Variants in CSRNP3 observed in about 807,000 individuals in gnomAD.
CSRNP3 encodes the protein cysteine/serine-rich nuclear protein 3.
In CSRNP3, 12 loss-of-function variants were observed where a neutral mutation model predicts 48.0. That is an observed-to-expected ratio of 0.25 (90% confidence interval 0.16 to 0.41). The LOEUF (loss-of-function observed/expected upper bound fraction) is 0.41, where lower values mean the gene tolerates loss of function less well. Among genes scored for constraint, CSRNP3 ranks in the 10% least tolerant of loss-of-function variants. CSRNP3 has a pLI of 1.00. For missense variants in CSRNP3, 580 were observed against 724.4 expected (o/e 0.80, Z 2.29); for synonymous variants, 263 against 269.7 (o/e 0.98, Z 0.24).
intron 4 of CSRNP3, among the ~76,000 whole-genome samples, chr2:165,641,329 T>G (rs1686718358): frequency 6.6e-6 from 1 of 152,194 alleles, no homozygotes. Flanking sequence ...TGTCACCTCC[T>G]CAAGTCTTTC....
intron 3 of CSRNP3, among the ~76,000 whole-genome samples, chr2:165,547,728 TTC>T (rs553935391): frequency 4.5e-4 from 69 of 152,204 alleles, no homozygotes; most frequent in African/African-American, 1.6e-3. Flanking sequence ...TGGAAATAAT[TTC>T]TTTTTGCAGG....
At chr2:165,671,204 G>T (rs1687322501) in intron 5 of CSRNP3, among the ~76,000 whole-genome samples, 1 of 152,184 alleles carries the variant, frequency 6.6e-6, no homozygotes, top group African/African-American at 2.4e-5. Flanking sequence ...ATGAAATAAG[G>T]ATGTTGCATT....
chr2:165,511,388 A>G (rs1684504049), intron 2 of CSRNP3, among the ~76,000 whole-genome samples: 1 of 152,182 alleles, frequency 6.6e-6, no homozygotes. Context: ...AAATGGGCAT[A>G]ATCTAGTAAA....
At chr2:165,585,957 C>T (rs990930115) in intron 3 of CSRNP3, among the ~76,000 whole-genome samples, 1 of 152,114 alleles carries the variant, frequency 6.6e-6, no homozygotes, top group African/African-American at 2.4e-5. Context: ...TAGAATACCC[C>T]CTAAGGCTCA....
chr2:165,621,095 T>G (rs1032368601), intron 4 of CSRNP3, among the ~76,000 whole-genome samples: 1 of 152,224 alleles, frequency 6.6e-6, no homozygotes, highest in Admixed American at 6.5e-5. Context: ...CATAAATATA[T>G]GATCACATTA....
At chr2:165,542,644 A>G (rs560847020) in intron 3 of CSRNP3, among the ~76,000 whole-genome samples, 5 of 152,226 alleles carry the variant, frequency 3.3e-5, no homozygotes, top group African/African-American at 1.2e-4. Flanking sequence ...AGGTTTTTAT[A>G]TTTGCCCACT....
In CSRNP3 at chr2:165,679,042, GAGC is replaced by G. The variant is rs1386998371; in HGVS notation, c.1051_1053del (p.Ser351del). The G allele has an allele frequency of 6.2e-7, 1 of 1,613,838 alleles. No individual in the cohort carries two copies. Among genetic ancestry groups the G allele is most frequent in the African/African-American group, 1.3e-5 (1 of 74,870 alleles). ...AGGAGGAGGAAGAAGAGGAGGATGGGAGCAGCTTTTGCAGCGGAGTCACAGATT... is the reference window on the plus strand; with the variant it reads ...AGGAGGAGGAAGAAGAGGAGGATGGGAGCTTTTGCAGCGGAGTCACAGATT... On this transcript the variant is annotated inframe_deletion, in exon 7 of 7. Transcript: ENST00000651982.
At chr2:165,528,516 G>C (rs1684769376) in intron 3 of CSRNP3, among the ~76,000 whole-genome samples, 1 of 152,114 alleles carries the variant, frequency 6.6e-6, no homozygotes, top group Admixed American at 6.5e-5. Flanking sequence ...GAGATAAAAG[G>C]ATAAAGGTTG....
intron 3 of CSRNP3, among the ~76,000 whole-genome samples, chr2:165,585,967 A>C (rs770229114): frequency 8.2e-4 from 125 of 152,314 alleles, no homozygotes; most frequent in Non-Finnish European, 1.2e-3. Context: ...CCTAAGGCTC[A>C]TGCACTACAC....
chr2:165,479,570 A>G (rs1684012026), intron 1 of CSRNP3, among the ~76,000 whole-genome samples: 1 of 152,174 alleles, frequency 6.6e-6, no homozygotes, highest in Non-Finnish European at 1.5e-5. Flanking sequence ...ATTCCCATAA[A>G]CTTAACAACT....
At chr2:165,651,509 A>T (rs554965326) in intron 4 of CSRNP3, among the ~76,000 whole-genome samples, 46 of 152,244 alleles carry the variant, frequency 3.0e-4, no homozygotes, top group African/African-American at 1.1e-3. Context: ...AATAATTCTT[A>T]GTTTTTGGTT....
chr2:165,480,710 A>G (rs1684028685), intron 1 of CSRNP3, among the ~76,000 whole-genome samples: 1 of 150,266 alleles, frequency 6.7e-6, no homozygotes, highest in Non-Finnish European at 1.5e-5. Flanking sequence ...ACTTCTAGGA[A>G]TTCATCGTTA....
chr2:165,676,994 A>T (rs1687436621), intron 6 of CSRNP3, among the ~76,000 whole-genome samples: 1 of 152,212 alleles, frequency 6.6e-6, no homozygotes, highest in East Asian at 1.9e-4. Context: ...ATATAAAATG[A>T]TGATTGATTA....
At chr2:165,480,056 A>T (rs1243950392) in intron 1 of CSRNP3, among the ~76,000 whole-genome samples, 1 of 152,070 alleles carries the variant, frequency 6.6e-6, no homozygotes, top group Non-Finnish European at 1.5e-5. Context: ...GGCTGATAGA[A>T]CTGATGTTTC....
intron 3 of CSRNP3, among the ~76,000 whole-genome samples, chr2:165,545,816 T>C (rs946916610): frequency 6.6e-6 from 1 of 152,178 alleles, no homozygotes; most frequent in African/African-American, 2.4e-5. Flanking sequence ...TTAAATTAAA[T>C]AATAAACATT....
intron 3 of CSRNP3, among the ~76,000 whole-genome samples, chr2:165,525,479 C>CTTT (rs1684719727): frequency 6.9e-6 from 1 of 145,628 alleles, no homozygotes; most frequent in African/African-American, 2.5e-5. Flanking sequence ...TCTTTTTTTT[C>CTTT]TTCTTCTTCT....
At chr2:165,557,850 A>G (rs143249514) in intron 3 of CSRNP3, among the ~76,000 whole-genome samples, 2,879 of 152,338 alleles carry the variant, frequency 0.019, 27 homozygotes, top group Non-Finnish European at 0.029. Context: ...CTTACTATGT[A>G]GCCTGCATTT....
At chr2:165,630,288 A>T (rs1374807880) in intron 4 of CSRNP3, among the ~76,000 whole-genome samples, 1 of 152,184 alleles carries the variant, frequency 6.6e-6, no homozygotes, top group Non-Finnish European at 1.5e-5. Flanking sequence ...TTCTACTAAG[A>T]CAGCATTTAG....
At chr2:165,608,934 C>CCAAAAAAA (rs1686079689) in intron 4 of CSRNP3, among the ~76,000 whole-genome samples, 1 of 75,590 alleles carries the variant, frequency 1.3e-5, no homozygotes, top group Admixed American at 1.7e-4. Context: ...ACTAAAAATA[C>CCAAAAAAA]AAAAAAAAAA....
Sources: gnomAD v4.1 joint callset for allele counts (sites outside exome capture counted in the v4.1 genomes callset) on GRCh38, gnomAD v4.1.1 for gene constraint, MANE v1.5 for transcripts, NCBI Gene and HGNC (gene_info 2026-07-23, HGNC 2026-07-21) for gene names.